Variants in ATXN7 observed in about 807,000 individuals in gnomAD.
ATXN7 encodes ataxin-7.
ATXN7 carries 12 observed loss-of-function variants against 70.5 expected under a neutral mutation model. The ratio of observed to expected loss-of-function variants is 0.17; its 90% CI spans 0.11 to 0.28. The LOEUF (loss-of-function observed/expected upper bound fraction) is 0.28. Among genes scored for constraint, ATXN7 ranks in the 10% least tolerant of loss-of-function variants. The pLI, the probability that ATXN7 is intolerant of heterozygous loss-of-function variation, is 1.00. For missense variants in ATXN7, 1,256 were observed against 1,131.7 expected, an observed-to-expected ratio of 1.11 and a Z score of -1.58; for synonymous variants, 498 against 448.7, an observed-to-expected ratio of 1.11 and a Z score of -1.39.
chr3:63,999,416 T>A, intron 12 of ATXN7, 34 bp from the exon 13 acceptor site: 1 of 1,558,902 alleles, frequency 6.4e-7, no homozygotes, highest in African/African-American at 1.4e-5. Context: ...TTACTTACCA[T>A]TTCATTATTT....
At chr3:63,909,832 C>G (rs1209480030) in intron 2 of ATXN7, among the ~76,000 whole-genome samples, 1 of 152,124 alleles carries the variant, frequency 6.6e-6, no homozygotes, top group Non-Finnish European at 1.5e-5. Flanking sequence ...TCTGCACATC[C>G]TCTTCAGTTT....
At chr3:63,969,077 C>A (rs1283722506) in intron 5 of ATXN7, among the ~76,000 whole-genome samples, 2 of 152,122 alleles carry the variant, frequency 1.3e-5, no homozygotes, top group Non-Finnish European at 2.9e-5. Context: ...ACAGCCCTGG[C>A]ATGCAGGTGG....
rs373822721 is a variant in ATXN7 at position 63,869,621 on chromosome 3, C to T, written c.-111+5463C>T. ...TGTATTTTTAGTAGAGATGGGGTTT[C>T]GCCATGCTGGCCAGGCTGATCCTGA... On this transcript the variant is annotated intron_variant, in intron 1 of 12. Transcript: ENST00000674280. Among the ~76,000 whole-genome samples, 6 of 152,232 alleles carry T rather than the reference C, an allele frequency of 3.9e-5. No homozygotes were observed. The East Asian group carries it at 5.8e-4, about 15-fold the overall frequency.
intron 4 of ATXN7, among the ~76,000 whole-genome samples, chr3:63,942,892 A>C (rs1047354087): frequency 2.6e-5 from 4 of 152,212 alleles, no homozygotes; most frequent in Non-Finnish European, 5.9e-5. Flanking sequence ...CCCAAGGGTC[A>C]TGCTCCTAAT....
chr3:63,930,147 T>C (rs536822596), intron 4 of ATXN7, among the ~76,000 whole-genome samples: 5 of 152,312 alleles, frequency 3.3e-5, no homozygotes, highest in African/African-American at 9.6e-5. Flanking sequence ...CCGAGGACTT[T>C]GAGAGGTCAG....
chr3:63,875,346 C>T (rs558851116), intron 1 of ATXN7, among the ~76,000 whole-genome samples: 2 of 152,226 alleles, frequency 1.3e-5, no homozygotes, highest in East Asian at 3.9e-4. Flanking sequence ...CCTGCCTCAG[C>T]CTCCCAAAGT....
At chr3:63,946,549 A>G (rs2074867101) in intron 4 of ATXN7, among the ~76,000 whole-genome samples, 1 of 151,706 alleles carries the variant, frequency 6.6e-6, no homozygotes, top group East Asian at 1.9e-4. Context: ...AGGCTGAGGC[A>G]GGAGAATGGC....
intron 1 of ATXN7, among the ~76,000 whole-genome samples, chr3:63,870,188 A>G (rs769237583): frequency 3.9e-5 from 6 of 152,222 alleles, no homozygotes; most frequent in Non-Finnish European, 7.3e-5. Context: ...AATGTTGATG[A>G]ACACTGACAT....
At chr3:63,866,174 T>A (rs1378555089) in intron 1 of ATXN7, among the ~76,000 whole-genome samples, 2 of 152,222 alleles carry the variant, frequency 1.3e-5, no homozygotes, top group South Asian at 4.1e-4. Context: ...AGAAATTTTC[T>A]GGAGTAATAA....
intron 8 of ATXN7, among the ~76,000 whole-genome samples, chr3:63,987,824 G>C (rs908591057): frequency 1.3e-5 from 2 of 151,908 alleles, no homozygotes; most frequent in African/African-American, 4.8e-5. Context: ...TTTTTCTTCT[G>C]ATGGAAATAA....
chr3:63,970,513 A>AT (rs200420019), intron 5 of ATXN7, among the ~76,000 whole-genome samples: 1 of 151,974 alleles, frequency 6.6e-6, no homozygotes, highest in Non-Finnish European at 1.5e-5. Flanking sequence ...AAATATTTGG[A>AT]TTTTTTTTAA....
intron 5 of ATXN7, among the ~76,000 whole-genome samples, chr3:63,977,660 C>T (rs545985643): frequency 6.6e-6 from 1 of 152,092 alleles, no homozygotes; most frequent in South Asian, 2.1e-4. Flanking sequence ...ACTCTGGGGC[C>T]CATCTGGAAA....
At chr3:63,932,891 T>C (rs114135117) in intron 4 of ATXN7, among the ~76,000 whole-genome samples, 4 of 152,346 alleles carry the variant, frequency 2.6e-5, no homozygotes, top group Non-Finnish European at 5.9e-5. Flanking sequence ...GATAGATCTG[T>C]CTAATTTTAT....
intron 4 of ATXN7, 84 bp from the exon 5 acceptor site, chr3:63,952,295 A>G (rs1033803739): frequency 3.2e-6 from 3 of 929,706 alleles, no homozygotes; most frequent in African/African-American, 3.3e-5. Flanking sequence ...CAATAAGGCA[A>G]CTCCTTTAGA....
intron 5 of ATXN7, among the ~76,000 whole-genome samples, chr3:63,953,940 C>G (rs1438306104): frequency 1.3e-5 from 2 of 152,120 alleles, no homozygotes. Flanking sequence ...GAGCCACGCG[C>G]TCAGCCAAGA....
chr3:63,996,483 G>C lies in ATXN7; in HGVS notation c.2661G>C (p.Gln887His), dbSNP rs952961723. ...QGLMNSSLLH[Q>H]PKARP ...TGATGAACAGTTCCCTCCTTCATCA[G>C]GTAGGAAATGGACTGTGAGCCCCAT... is the stretch of plus-strand genomic sequence containing the variant. The change falls in exon 12 of 13, where the codon CAG becomes CAC. Residue 887 changes from glutamine (Q) to histidine (H), a missense_variant and splice_region_variant. Physicochemically the swap from Gln to His is conservative, Grantham distance 24. Coordinates refer to ENST00000674280, the MANE Select transcript of ATXN7 (RefSeq NM_001377405.1). 1.2e-6 allele frequency: 2 copies of C among 1,613,844 alleles called. No individual in the cohort carries two copies. Among genetic ancestry groups the C allele is most frequent in the Non-Finnish European group, 1.7e-6 (2 of 1,179,776 alleles).
chr3:63,863,839 G>C, upstream of ATXN7: 3 of 1,220,692 alleles, frequency 2.5e-6, no homozygotes, highest in Non-Finnish European at 3.0e-6. Flanking sequence ...CTGAGGCGGC[G>C]GTTGGCGGCG....
At chr3:63,914,585 A>C (rs1315590291) in intron 4 of ATXN7, among the ~76,000 whole-genome samples, 1 of 152,228 alleles carries the variant, frequency 6.6e-6, no homozygotes, top group Non-Finnish European at 1.5e-5. Flanking sequence ...CACAGTAAGC[A>C]GTTAGAGTAG....
chr3:63,874,368 A>T (rs1005937896), intron 1 of ATXN7, among the ~76,000 whole-genome samples: 5 of 152,224 alleles, frequency 3.3e-5, no homozygotes, highest in African/African-American at 1.2e-4. Context: ...TACGCATGTT[A>T]GACTTTATAA....
Sources: gnomAD v4.1 joint callset for allele counts (sites outside exome capture counted in the v4.1 genomes callset) on GRCh38, gnomAD v4.1.1 for gene constraint, MANE v1.5 for transcripts, NCBI Gene and HGNC (gene_info 2026-07-23, HGNC 2026-07-21) for gene names.